MYL5: variants seen among roughly 807,000 people sequenced by gnomAD.
MYL5 encodes the protein myosin light chain 5, also known as myosin regulatory light chain 5.
MYL5 carries 28 observed loss-of-function variants against 20.8 expected under a neutral mutation model. That is an observed-to-expected ratio of 1.35 (90% CI 1.00 to 1.84). MYL5 has a LOEUF of 1.84. MYL5 is among the 40% of genes most tolerant of loss of function. The probability of loss-of-function intolerance (pLI) is 0.00; values close to 1 mark genes in which losing one functional copy is unlikely to be tolerated. For missense variants in MYL5, 274 were observed against 227.3 expected, an observed-to-expected ratio of 1.21 and a Z score of -1.32; for synonymous variants, 118 against 87.4, an observed-to-expected ratio of 1.35 and a Z score of -1.95.
chr4:678,417 C>A, intron 1 of MYL5: 1 of 1,420,466 alleles, frequency 7.0e-7, no homozygotes, highest in Non-Finnish European at 9.2e-7. Context: ...GCTCTGTGGG[C>A]CTTCTGGAAG....
At chr4:677,554 C>T (rs1738971426), upstream of MYL5, among the ~76,000 whole-genome samples, 1 of 152,218 alleles carries the variant, frequency 6.6e-6, no homozygotes, top group Admixed American at 6.5e-5. Flanking sequence ...CAGGGAGGGG[C>T]GTGGACACCC....
At position 678,772 on chromosome 4, in the gene MYL5, CT is replaced by C; in HGVS notation, c.111+10del. On this transcript the variant is annotated splice_region_variant and intron_variant, in intron 2 of 6. Transcript: ENST00000400159. ...GATCCAGGAGTTCAAGGAGGTGAGA[CT>C]TTCCTGCTTCACTGGGAGCCCCCAC... 2 of 1,608,836 alleles carry C rather than the reference CT, an allele frequency of 1.2e-6. No individual in the cohort carries two copies. Among genetic ancestry groups the C allele is most frequent in the Non-Finnish European group, 1.7e-6 (2 of 1,177,798 alleles).
intron 6 of MYL5, 39 bp from the exon 9 acceptor site, chr4:681,854 C>T (rs777137360): frequency 7.7e-7 from 1 of 1,304,918 alleles, no homozygotes; most frequent in Non-Finnish European, 9.8e-7. Context: ...GTAATTCGCT[C>T]CCGGAGCCCG....
intron 1 of MYL5, 167 bp downstream of exon 3, chr4:678,196 G>A (rs1053581738): frequency 2.0e-5 from 30 of 1,523,990 alleles, no homozygotes; most frequent in African/African-American, 8.3e-5. Flanking sequence ...GTGTATGTGC[G>A]TGTGTGTGAC....
intron 3 of MYL5, 135 bp downstream of exon 5, chr4:679,168 T>C (rs1008666637): frequency 2.3e-6 from 2 of 868,688 alleles, no homozygotes; most frequent in African/African-American, 1.7e-5. Flanking sequence ...GCCCTGAAGC[T>C]GCAAGGTGAT....
upstream of MYL5, among the ~76,000 whole-genome samples, chr4:677,197 G>T (rs1738929833): frequency 6.6e-6 from 1 of 152,180 alleles, no homozygotes; most frequent in Non-Finnish European, 1.5e-5. Flanking sequence ...CACTCAGCCT[G>T]TAGGCCTCCT....
chr4:681,860 G>T (rs1577343158), intron 6 of MYL5, 33 bp from the exon 9 acceptor site: 1 of 1,306,978 alleles, frequency 7.7e-7, no homozygotes, highest in South Asian at 3.1e-5. Context: ...CGCTCCCGGA[G>T]CCCGCAAGGA....
At chr4:679,970 C>T (rs1739279625) in exon 4 of MYL5, 1 of 1,613,520 alleles carries the variant, frequency 6.2e-7, no homozygotes, top group Non-Finnish European at 8.5e-7. Context: ...GGCCTCGGGG[C>T]CCATCAACTT....
intron 2 of MYL5, 95 bp downstream of exon 4, chr4:678,860 A>C: frequency 1.2e-6 from 2 of 1,608,694 alleles, no homozygotes; most frequent in Non-Finnish European, 1.7e-6. Context: ...CAGGAGTGGA[A>C]GCCTATCCTC....
At chr4:677,860 C>A (rs902303857), upstream of MYL5, 2 of 1,161,146 alleles carry the variant, frequency 1.7e-6, no homozygotes, top group East Asian at 2.4e-5. Context: ...CACTGCCAGG[C>A]TGCCAAAGCT....
At chr4:679,637 T>C (rs536457177) in intron 3 of MYL5, among the ~76,000 whole-genome samples, 2 of 152,264 alleles carry the variant, frequency 1.3e-5, no homozygotes, top group African/African-American at 4.8e-5. Flanking sequence ...TCGGCCCTGC[T>C]TATGCCCAGA....
chr4:678,697 C>T lies in MYL5; in HGVS notation c.43C>T (p.Arg15Trp), dbSNP rs61746930. ...CAAGAAGAAGGAAGGGGGTGCCCTC[C>T]GGGCCCAGAGAGCCTCATCCAATGT... Residue 15 changes from arginine (R) to tryptophan (W), a missense_variant, in exon 2 of 7, where the codon CGG becomes TGG. Physicochemically the swap from Arg to Trp is moderately radical, Grantham distance 101. Coordinates refer to ENST00000400159, the Ensembl canonical transcript of MYL5. The T allele has an allele frequency of 6.5e-4, 1,051 of 1,611,570 alleles. 6 individuals carry two copies. The African/African-American group carries it at 0.012, about 19-fold the overall frequency.
At chr4:678,743 C>T (rs1487042650) in exon 2 of MYL5, 1 of 1,611,490 alleles carries the variant, frequency 6.2e-7, no homozygotes, top group African/African-American at 1.3e-5. Flanking sequence ...TTTGAGCAGA[C>T]TCAGATCCAG....
At chr4:679,282 G>GACAGGGTGGGTGGGACAGCCCAA in intron 3 of MYL5, 1 of 620,424 alleles carries the variant, frequency 1.6e-6, no homozygotes, top group Non-Finnish European at 2.9e-6. Flanking sequence ...TGGGCTTTGA[G>GACAGGGTGGGTGGGACAGCCCAA]GCAGCAGGCT....
At chr4:681,328 G>C (rs1739476825) in intron 6 of MYL5, among the ~76,000 whole-genome samples, 188 bp downstream of exon 8, 1 of 152,048 alleles carries the variant, frequency 6.6e-6, no homozygotes, top group Admixed American at 6.5e-5. Context: ...TCAGGTCAGC[G>C]GTTGGAGACC....
rs146961665 is a variant in MYL5, at chr4:681,973, C to T, written c.501C>T (p.His167=). Reference sequence around the variant, plus strand: ...AGGCGCTCAGCTACGTGATCACCCACGGGGAGGAGAAGGAGGAGTGAGACC... The same window carrying T: ...AGGCGCTCAGCTACGTGATCACCCATGGGGAGGAGAAGGAGGAGTGAGACC... Residue 167 remains histidine (H), a synonymous_variant, in exon 7 of 7, where the codon CAC becomes CAT. Coordinates refer to ENST00000400159, the Ensembl canonical transcript of MYL5. 3.3e-4 allele frequency: 467 copies of T among 1,396,032 alleles called. No individual in the cohort carries two copies. In the African/African-American group the frequency reaches 5.0e-3, roughly 15 times the overall value. 86.5% of individuals were successfully genotyped at this position (1,396,032 alleles called of 1,614,324 possible).
At chr4:675,297 G>A (rs1030203520), upstream of MYL5, 1 of 152,472 alleles carries the variant, frequency 6.6e-6, no homozygotes. Flanking sequence ...TCCACGTTCT[G>A]GGTCTTCCTG....
chr4:681,771 G>A (rs1358162458), intron 6 of MYL5, 122 bp from the exon 9 acceptor site: 2 of 1,144,302 alleles, frequency 1.7e-6, no homozygotes, highest in East Asian at 7.7e-5. Flanking sequence ...CCCTCACCCC[G>A]CACCCGGGCC....
At chr4:678,587 C>G (rs1396441817) in intron 1 of MYL5, 71 bp from the exon 4 acceptor site, 1 of 1,542,284 alleles carries the variant, frequency 6.5e-7, no homozygotes, top group African/African-American at 1.4e-5. Flanking sequence ...TTAAGTCTCT[C>G]AAAACTCTGG....
Sources: gnomAD v4.1 joint callset for allele counts (sites outside exome capture counted in the v4.1 genomes callset) on GRCh38, gnomAD v4.1.1 for gene constraint, MANE v1.5 for transcripts, NCBI Gene and HGNC (gene_info 2026-07-23, HGNC 2026-07-21) for gene names.